NFATC1: variants seen among roughly 807,000 people sequenced by gnomAD.
NFATC1 encodes nuclear factor of activated T cells 1, also known as nuclear factor of activated T-cells, cytoplasmic 1.
Under a neutral mutation model 76.0 loss-of-function variants are expected in NFATC1, and 22 were observed. The ratio of observed to expected loss-of-function variants is 0.29; its 90% CI spans 0.21 to 0.41. The LOEUF (loss-of-function observed/expected upper bound fraction) is 0.41, where lower values mean the gene tolerates loss of function less well. NFATC1 is among the 10% of genes least tolerant of loss of function. NFATC1 has a pLI of 1.00. For missense variants in NFATC1, 1,357 were observed against 1,337.7 expected (o/e 1.01, Z -0.23); for synonymous variants, 704 against 613.1 (o/e 1.15, Z -2.19).
rs575517110 is a variant in NFATC1, at chr18:79,413,566, C to A, written c.1226+2065C>A. Among the ~76,000 whole-genome samples, 15 of 152,204 alleles carry A rather than the reference C, an allele frequency of 9.9e-5. No individual in the cohort carries two copies. In the East Asian group the frequency reaches 2.9e-3, roughly 29 times the overall value. Reference sequence around the variant, plus strand: ...CCTGGTGGCCTCATTTGAACTTGATCGCTCTGTAAAGACCCTCTCTCCAGA... The same window carrying A: ...CCTGGTGGCCTCATTTGAACTTGATAGCTCTGTAAAGACCCTCTCTCCAGA... On this transcript the variant is annotated intron_variant, in intron 2 of 9. Transcript: ENST00000427363.
chr18:79,511,833 T>C (rs954311784), intron 9 of NFATC1, among the ~76,000 whole-genome samples: 1 of 152,022 alleles, frequency 6.6e-6, no homozygotes, highest in Non-Finnish European at 1.5e-5. Flanking sequence ...GAGATGTGGA[T>C]GGACTTGCTG....
intron 9 of NFATC1, among the ~76,000 whole-genome samples, chr18:79,491,364 C>T (rs919142268): frequency 2.6e-5 from 4 of 152,162 alleles, no homozygotes; most frequent in East Asian, 1.9e-4. Flanking sequence ...CAGGTCAAGT[C>T]GGTGCCGTGC....
intron 2 of NFATC1, among the ~76,000 whole-genome samples, chr18:79,414,946 T>G (rs1175746899): frequency 6.6e-6 from 1 of 152,184 alleles, no homozygotes; most frequent in Non-Finnish European, 1.5e-5. Context: ...TCTCAAATGG[T>G]AGCTTTTAAA....
At chr18:79,400,328 C>G (rs1249486112) in intron 1 of NFATC1, 1 of 1,353,760 alleles carries the variant, frequency 7.4e-7, no homozygotes, top group Non-Finnish European at 9.5e-7. Flanking sequence ...CGGGCAGCGC[C>G]GGGAGAACCG....
chr18:79,468,048 C>T (rs1314157999), intron 8 of NFATC1: 4 of 949,890 alleles, frequency 4.2e-6, no homozygotes, highest in Middle Eastern at 5.3e-4. Flanking sequence ...TTGTGCTGGG[C>T]GGACGTCCCC....
At chr18:79,445,846 C>T (rs1043401803) in intron 3 of NFATC1, among the ~76,000 whole-genome samples, 22 of 152,176 alleles carry the variant, frequency 1.4e-4, no homozygotes, top group Non-Finnish European at 2.6e-4. Flanking sequence ...CTGTCCACCC[C>T]ACACCTCCCT....
rs1345047414 is a variant in NFATC1, at chr18:79,500,578, A to T, written c.2782+13641A>T. ...TGAAATAGAAACATGAGAAAAATCA[A>T]TAAAACCAAAGTTAGTTATTTGAAA... is the stretch of plus-strand genomic sequence containing the variant. On this transcript the variant is annotated intron_variant, in intron 9 of 9. Coordinates refer to ENST00000427363, the MANE Select transcript of NFATC1 (RefSeq NM_001278669.2). Among the ~76,000 whole-genome samples, 5 of 152,310 alleles carry T rather than the reference A, an allele frequency of 3.3e-5. No individual in the cohort carries two copies. The South Asian group carries it at 8.3e-4, about 25-fold the overall frequency.
At chr18:79,478,934 T>TCTGCACGCCGCTGACCA (rs1336325354) in intron 8 of NFATC1, among the ~76,000 whole-genome samples, 13 of 152,284 alleles carry the variant, frequency 8.5e-5, no homozygotes, top group South Asian at 4.1e-4. Context: ...ACCTGTCAGC[T>TCTGCACGCCGCTGACCA]CTGCACGCCG....
chr18:79,464,648 T>TTGTGTGTG (rs140357862), intron 7 of NFATC1, among the ~76,000 whole-genome samples: 14 of 131,634 alleles, frequency 1.1e-4, no homozygotes, highest in African/African-American at 4.0e-4. Flanking sequence ...ATATATGTGT[T>TTGTGTGTG]TGTGTGTGTG....
rs758607406 is a variant in NFATC1, at chr18:79,486,612, G to A, written c.2457G>A (p.Pro819=). 8.1e-6 allele frequency: 13 copies of A among 1,596,160 alleles called. No individual in the cohort carries two copies. The highest frequency in any genetic ancestry group is 4.5e-5 in the East Asian group (2 of 44,480). Residue 819 remains proline, a synonymous_variant, in exon 9 of 10, where the codon CCG becomes CCA. Transcript: ENST00000427363. ...THPGSPGQPP[P]ALLPQQVSAP... ...CCGGCTCGCCCGGGCAGCCACCCCC[G>A]GCCCTGCTGCCACAGCAGGTGAGTG... is the stretch of plus-strand genomic sequence containing the variant.
In NFATC1 at chr18:79,437,674, G is replaced by T. The variant is rs529019893; in HGVS notation, c.1386+3936G>T. On this transcript the variant is annotated intron_variant, in intron 3 of 9. Coordinates refer to ENST00000427363, the MANE Select transcript of NFATC1 (RefSeq NM_001278669.2). The stretch of plus-strand genomic sequence containing the variant: ...CCTGATGGTGGCACCTCGGGCAGCC[G>T]CCACCCTCTGCCCTCCACCCTCTGC... 8.3e-3 allele frequency among the ~76,000 whole-genome samples: 1,267 copies of T among 152,330 alleles called. 6 individuals carry two copies. The highest frequency in any genetic ancestry group is 0.014 in the Non-Finnish European group (960 of 68,014).
At chr18:79,405,845 G>T (rs941533154) in intron 1 of NFATC1, among the ~76,000 whole-genome samples, 2 of 152,048 alleles carry the variant, frequency 1.3e-5, no homozygotes, top group Non-Finnish European at 1.5e-5. Flanking sequence ...AAAGGCCCTC[G>T]GGTGCCCCAG....
At chr18:79,507,385 G>A (rs1049981739) in intron 9 of NFATC1, among the ~76,000 whole-genome samples, 1 of 152,202 alleles carries the variant, frequency 6.6e-6, no homozygotes, top group Non-Finnish European at 1.5e-5. Context: ...GCGAGCGGCC[G>A]CGTAAATCAG....
At chr18:79,487,197 C>T (rs1447932264) in intron 9 of NFATC1, among the ~76,000 whole-genome samples, 1 of 152,216 alleles carries the variant, frequency 6.6e-6, no homozygotes, top group Non-Finnish European at 1.5e-5. Context: ...GATCCTCCTG[C>T]GAGACCTGTC....
Position 79,463,487 on chromosome 18 carries a change from C to CATTCTT in NFATC1, c.1959+2121_1959+2122insATTCTT, listed in dbSNP as rs148930242. On this transcript the variant is annotated intron_variant, in intron 7 of 9. Coordinates refer to ENST00000427363, the MANE Select transcript of NFATC1 (RefSeq NM_001278669.2). Reference sequence around the variant, plus strand: ...GCCTCTCCTCCCCACAGCCCGTTCCCGTGTCCATACCGGCCTCTCTTCCCC... The same window carrying CATTCTT: ...GCCTCTCCTCCCCACAGCCCGTTCCCATTCTTGTGTCCATACCGGCCTCTCTTCCCC... Among the ~76,000 whole-genome samples, 477 of 111,466 alleles carry CATTCTT rather than the reference C, an allele frequency of 4.3e-3. 3 individuals carry two copies. The highest frequency in any genetic ancestry group is 5.8e-3 in the South Asian group (20 of 3,454). 73.1% of individuals were successfully genotyped at this position (111,466 alleles called of 152,430 possible).
At chr18:79,404,159 C>T (rs919832557) in intron 1 of NFATC1, among the ~76,000 whole-genome samples, 6 of 152,180 alleles carry the variant, frequency 3.9e-5, no homozygotes, top group African/African-American at 9.7e-5. Context: ...ATGTGTGCGT[C>T]GGACCAGGGG....
intron 1 of NFATC1, among the ~76,000 whole-genome samples, chr18:79,401,378 T>C (rs966642647): frequency 9.9e-5 from 15 of 152,180 alleles, no homozygotes; most frequent in Non-Finnish European, 1.9e-4. Flanking sequence ...AACGTCTTGA[T>C]CATTTTTTGA....
At chr18:79,516,802 C>T (rs374682833) in intron 9 of NFATC1, among the ~76,000 whole-genome samples, 3 of 152,192 alleles carry the variant, frequency 2.0e-5, no homozygotes, top group African/African-American at 2.4e-5. Context: ...GGAACAAAAG[C>T]GTTTTCCTCT....
chr18:79,521,132 G>A (rs560139786), intron 9 of NFATC1, among the ~76,000 whole-genome samples: 1 of 90,926 alleles, frequency 1.1e-5, no homozygotes, highest in African/African-American at 4.9e-5. Flanking sequence ...CTGCTGATGT[G>A]TGTGTCTGTG....
Sources: allele counts gnomAD v4.1 joint callset (sites outside exome capture counted in the v4.1 genomes callset), GRCh38; gene constraint gnomAD v4.1.1; transcripts MANE v1.5; gene names NCBI Gene and HGNC (gene_info 2026-07-23, HGNC 2026-07-21).